Variants in TMED7 observed in about 807,000 individuals in gnomAD.
TMED7 encodes transmembrane emp24 domain-containing protein 7.
Under a neutral mutation model 23.4 loss-of-function variants are expected in TMED7, and 8 were observed. The ratio of observed to expected loss-of-function variants is 0.34; its 90% CI spans 0.20 to 0.62. The LOEUF is 0.62. Ranked by LOEUF, TMED7 falls within the 20% of genes least tolerant of loss-of-function variation. The pLI, the probability that TMED7 is intolerant of heterozygous loss-of-function variation, is 0.77. For missense variants in TMED7, 232 were observed against 279.1 expected, an observed-to-expected ratio of 0.83 and a Z score of 1.20; for synonymous variants, 121 against 108.5, an observed-to-expected ratio of 1.12 and a Z score of -0.72.
chr5:115,620,813 T>G, intron 1 of TMED7, 133 bp from the exon 2 acceptor site: 1 of 1,117,938 alleles, frequency 8.9e-7, no homozygotes, highest in Non-Finnish European at 1.1e-6. Flanking sequence ...TTTTCACCAG[T>G]GGATGGAACT....
rs1231268611 is a variant in TMED7, at chr5:115,614,001, T to C, written c.*2208A>G. On this transcript the variant is annotated 3_prime_UTR_variant, in exon 3 of 3. Coordinates refer to ENST00000456936, the MANE Select transcript of TMED7 (RefSeq NM_181836.6). ...CTGAGCCATTATGTTCAAACATAAA[T>C]ATCTGGGAAATTCAAACTGCTGCAA... The C allele has an allele frequency of 6.6e-6, 1 of 152,518 alleles. No individual in the cohort carries two copies. Among genetic ancestry groups the C allele is most frequent in the African/African-American group, 2.4e-5 (1 of 41,460 alleles). 9.4% of individuals were successfully genotyped at this position (152,518 alleles called of 1,614,324 possible). A position where few individuals can be genotyped will look rare whatever the true frequency, so the allele number is the denominator to read the frequency against.
Position 115,620,693 on chromosome 5 carries a change from A to G in TMED7, c.193-13T>C. 1 of 1,377,544 alleles carries G rather than the reference A, an allele frequency of 7.3e-7. No homozygotes were observed. The highest frequency in any genetic ancestry group is 9.5e-7 in the Non-Finnish European group (1 of 1,058,082). The allele number at this position is 1,377,544 out of a possible 1,614,324, so 85.3% of individuals were successfully genotyped here. Reference sequence around the variant, plus strand: ...CACCAGTAATCACCTGTAAGAGATTAAAAAAGAAAAATCACTGTGAAAAGT... The same window carrying G: ...CACCAGTAATCACCTGTAAGAGATTGAAAAAGAAAAATCACTGTGAAAAGT... On this transcript the variant is annotated splice_polypyrimidine_tract_variant and intron_variant, in intron 1 of 2. Transcript: ENST00000456936.
At chr5:115,619,839 G>C (rs1463051588) in intron 2 of TMED7, among the ~76,000 whole-genome samples, 1 of 152,106 alleles carries the variant, frequency 6.6e-6, no homozygotes, top group East Asian at 1.9e-4. Flanking sequence ...CTAAGCAATA[G>C]TTGTTCACTG....
At chr5:115,623,738 ACAT>A (rs1179293840) in intron 1 of TMED7, among the ~76,000 whole-genome samples, 2 of 152,078 alleles carry the variant, frequency 1.3e-5, no homozygotes, top group African/African-American at 2.4e-5. Context: ...CTCACCTCTA[ACAT>A]CAGCTCCTCA....
intron 1 of TMED7, among the ~76,000 whole-genome samples, chr5:115,622,928 G>A (rs115176179): frequency 0.01 from 1,534 of 152,160 alleles, 27 homozygotes; most frequent in African/African-American, 0.035. Context: ...AGAATCACAC[G>A]GATCAAAATG....
chr5:115,613,227 G>A lies in TMED7; in HGVS notation c.*2982C>T, dbSNP rs986282901. Among the ~76,000 whole-genome samples, 5 of 152,074 alleles carry A rather than the reference G, an allele frequency of 3.3e-5. No individual in the cohort carries two copies. Among genetic ancestry groups the A allele is most frequent in the African/African-American group, 9.7e-5 (4 of 41,394 alleles). ...CAACTGGGTAATATACAAACTAAAG[G>A]TAATTTACTTAAAAATTAAGACCTC... is the stretch of plus-strand genomic sequence containing the variant. On this transcript the variant is annotated 3_prime_UTR_variant, in exon 3 of 3. Coordinates refer to ENST00000456936, the MANE Select transcript of TMED7 (RefSeq NM_181836.6).
In TMED7 at chr5:115,616,281, G is replaced by A. The variant is rs759973014; in HGVS notation, c.603C>T (p.Ser201=). The A allele has an allele frequency of 3.7e-6, 6 of 1,614,032 alleles. No homozygotes were observed. The South Asian group carries it at 5.5e-5, about 15-fold the overall frequency. The change falls in exon 3 of 3, where the codon AGC becomes AGT. Residue 201 remains serine (S), a synonymous_variant. Transcript: ENST00000456936. The stretch of plus-strand genomic sequence containing the variant: ...TTTTCAAAAGAAATACCTGCCCTAT[G>A]CTAACCACCAGAAGAATGAGGGCTT... ...VGEALILLVV[S]IGQVFLLKSF... is the part of the protein sequence containing the mutation.
intron 1 of TMED7, among the ~76,000 whole-genome samples, chr5:115,624,483 C>T (rs1757135930): frequency 1.3e-5 from 2 of 152,228 alleles, no homozygotes; most frequent in South Asian, 2.1e-4. Flanking sequence ...ACCATCACTT[C>T]TCTACCTGCA....
rs1756555513 is a variant in TMED7 at position 115,613,541 on chromosome 5, T to C, written c.*2668A>G. The stretch of plus-strand genomic sequence containing the variant: ...TTTTTTTTATTCTACAAGAAATTGA[T>C]AGGTGCAATCCTGTTAAAGAAATTT... On this transcript the variant is annotated 3_prime_UTR_variant, in exon 3 of 3. Transcript: ENST00000456936. 1 of 152,184 alleles carries C rather than the reference T, an allele frequency of 6.6e-6. No homozygotes were observed. 9.4% of individuals were successfully genotyped at this position (152,184 alleles called of 1,614,324 possible). A position where few individuals can be genotyped will look rare whatever the true frequency, so the allele number is the denominator to read the frequency against.
rs919852130 is a variant in TMED7, at chr5:115,613,660, A to G, written c.*2549T>C. 1.3e-5 allele frequency: 2 copies of G among 152,556 alleles called. No homozygotes were observed. Among genetic ancestry groups the G allele is most frequent in the African/African-American group, 2.4e-5 (1 of 41,462 alleles). The allele number at this position is 152,556 out of a possible 1,614,324, so 9.5% of individuals were successfully genotyped here. The stretch of plus-strand genomic sequence containing the variant: ...AGGGCCTGCTTTGTCCTATTTAACT[A>G]TAAATGTTACACATTTACAAACTGA... On this transcript the variant is annotated 3_prime_UTR_variant, in exon 3 of 3. Coordinates refer to ENST00000456936, the MANE Select transcript of TMED7 (RefSeq NM_181836.6).
At chr5:115,621,708 T>G (rs956412777) in intron 1 of TMED7, among the ~76,000 whole-genome samples, 1 of 152,128 alleles carries the variant, frequency 6.6e-6, no homozygotes, top group African/African-American at 2.4e-5. Context: ...AAGGCTTCCT[T>G]ACATGAGAAA....
intron 2 of TMED7, chr5:115,616,673 C>T: frequency 3.3e-6 from 2 of 598,246 alleles, no homozygotes; most frequent in Non-Finnish European, 5.7e-6. Context: ...CTGTTTTCCC[C>T]AACTGAGATG....
chr5:115,621,542 A>C (rs1056838935), intron 1 of TMED7, among the ~76,000 whole-genome samples: 1 of 152,240 alleles, frequency 6.6e-6, no homozygotes, highest in Admixed American at 6.5e-5. Context: ...GAGGTAGGTG[A>C]TATGAGTCTG....
chr5:115,624,792 A>G lies in TMED7; in HGVS notation c.192+809T>C, dbSNP rs141130189. Among the ~76,000 whole-genome samples the G allele has an allele frequency of 2.1e-4, 32 of 152,306 alleles. No homozygotes were observed. The East Asian group carries it at 6.2e-3, about 29-fold the overall frequency. On this transcript the variant is annotated intron_variant, in intron 1 of 2. Transcript: ENST00000456936. The stretch of plus-strand genomic sequence containing the variant: ...AAGTTCAGCTTAAAATAATTTTCCA[A>G]AGGAAGTCTTCCTTCATGGATCCTA...
rs1417431041 is a variant in TMED7 at position 115,623,841 on chromosome 5, A to G, written c.192+1760T>C. 3.3e-5 allele frequency among the ~76,000 whole-genome samples: 5 copies of G among 152,196 alleles called. No homozygotes were observed. In the East Asian group the frequency reaches 9.6e-4, roughly 29 times the overall value. ...GTCACATTTAACATTTTATGACTAT[A>G]TATGTCTGTGTAAGCTCTCTGAGAT... On this transcript the variant is annotated intron_variant, in intron 1 of 2. Transcript: ENST00000456936.
chr5:115,620,710 G>C (rs371003187), intron 1 of TMED7, 30 bp from the exon 2 acceptor site: 161 of 1,358,898 alleles, frequency 1.2e-4, no homozygotes, highest in Non-Finnish European at 1.4e-4. Flanking sequence ...AAAAATCACT[G>C]TGAAAAGTGT....
chr5:115,616,517 T>C (rs979686958), intron 2 of TMED7, 72 bp from the exon 3 acceptor site: 14 of 1,593,352 alleles, frequency 8.8e-6, no homozygotes, highest in Non-Finnish European at 9.4e-6. Flanking sequence ...TCAGCTTTTC[T>C]TTCAATTTGA....
chr5:115,623,233 G>A (rs558355116), intron 1 of TMED7, among the ~76,000 whole-genome samples: 289 of 152,334 alleles, frequency 1.9e-3, no homozygotes, highest in African/African-American at 6.3e-3. Flanking sequence ...TACTCTCTCA[G>A]ATCTGGAACC....
At chr5:115,617,611 C>T (rs950540346) in intron 2 of TMED7, among the ~76,000 whole-genome samples, 1 of 149,712 alleles carries the variant, frequency 6.7e-6, no homozygotes, top group African/African-American at 2.5e-5. Context: ...TTTGCTTTCT[C>T]TATATTCTCA....
Sources: allele counts gnomAD v4.1 joint callset (sites outside exome capture counted in the v4.1 genomes callset), GRCh38; gene constraint gnomAD v4.1.1; transcripts MANE v1.5; gene names NCBI Gene and HGNC (gene_info 2026-07-23, HGNC 2026-07-21).